Variants in ARHGAP31 observed in about 807,000 individuals in gnomAD.
The protein encoded by ARHGAP31 is rho GTPase-activating protein 31.
In ARHGAP31, 34 loss-of-function variants were observed where a neutral mutation model predicts 113.9. That is an observed-to-expected ratio of 0.30 (90% CI 0.23 to 0.40). The LOEUF (loss-of-function observed/expected upper bound fraction) is 0.40, where lower values mean the gene tolerates loss of function less well. Ranked by LOEUF, ARHGAP31 falls within the 10% of genes least tolerant of loss-of-function variation. The pLI, the probability that ARHGAP31 is intolerant of heterozygous loss-of-function variation, is 1.00. For missense variants in ARHGAP31, 1,548 were observed against 1,767.1 expected (o/e 0.88, Z 2.22); for synonymous variants, 650 against 684.8 (o/e 0.95, Z 0.79).
intron 9 of ARHGAP31, among the ~76,000 whole-genome samples, chr3:119,400,599 G>A (rs2080594574): frequency 6.6e-6 from 1 of 152,088 alleles, no homozygotes; most frequent in Non-Finnish European, 1.5e-5. Flanking sequence ...GCCCAGTTTT[G>A]CAGGAGTTAA....
intron 10 of ARHGAP31, among the ~76,000 whole-genome samples, chr3:119,407,069 G>A (rs2080668960): frequency 2.0e-5 from 3 of 152,122 alleles, no homozygotes; most frequent in South Asian, 2.1e-4. Flanking sequence ...GATCATGCTG[G>A]GCGCGATGGC....
At chr3:119,336,835 G>A (rs114598872) in intron 1 of ARHGAP31, among the ~76,000 whole-genome samples, 2,812 of 151,988 alleles carry the variant, frequency 0.019, 81 homozygotes, top group African/African-American at 0.063. Context: ...CTACTCTCCC[G>A]GCCCTAAGAA....
chr3:119,414,956 G>A lies in ARHGAP31; in HGVS notation c.3027G>A (p.Glu1009=). 1 of 1,614,214 alleles carries A rather than the reference G, an allele frequency of 6.2e-7. No homozygotes were observed. Among genetic ancestry groups the A allele is most frequent in the Non-Finnish European group, 8.5e-7 (1 of 1,180,038 alleles). The part of the protein sequence containing the change: ...WDEKALRSFR[E]FSGLKGAEAP... ...AGAAAGCCCTGAGGTCCTTCAGAGA[G>A]TTCTCTGGCCTGAAAGGGGCAGAGG... Residue 1009 remains glutamate (E), a synonymous_variant, in exon 12 of 12, where the codon GAG becomes GAA. Transcript: ENST00000264245.
chr3:119,381,797 T>C (rs2080400019), intron 4 of ARHGAP31, among the ~76,000 whole-genome samples: 1 of 152,032 alleles, frequency 6.6e-6, no homozygotes, highest in African/African-American at 2.4e-5. Flanking sequence ...CCATCATGGC[T>C]AACACGGTGA....
intron 3 of ARHGAP31, among the ~76,000 whole-genome samples, chr3:119,378,133 T>C (rs1221484914): frequency 6.6e-6 from 1 of 152,114 alleles, no homozygotes; most frequent in Non-Finnish European, 1.5e-5. Context: ...CTTTTAAGAT[T>C]TAACCATTAG....
chr3:119,402,319 G>A lies in ARHGAP31; in HGVS notation c.1567G>A (p.Glu523Lys). Reference protein sequence around the residue: ...PKELQSLSSLEEFSFHGSESG... With the variant: ...PKELQSLSSLKEFSFHGSESG... ...GGAGCTGCAGTCTCTTTCCAGCCTG[G>A]AAGAGTTTTCTTTTCATGGATCAGA... The change falls in exon 10 of 12, where the codon GAA (glutamate) becomes AAA (lysine). Residue 523 changes from glutamate to lysine, a missense_variant. Coordinates refer to ENST00000264245, the MANE Select transcript of ARHGAP31 (RefSeq NM_020754.4). 1 of 1,614,190 alleles carries A rather than the reference G, an allele frequency of 6.2e-7. No individual in the cohort carries two copies.
chr3:119,312,536 G>A (rs1425878963), intron 1 of ARHGAP31, among the ~76,000 whole-genome samples: 1 of 151,944 alleles, frequency 6.6e-6, no homozygotes, highest in Non-Finnish European at 1.5e-5. Flanking sequence ...ATTTAATAAG[G>A]AATAAACACC....
In ARHGAP31 at chr3:119,330,704, A is replaced by G. The variant is rs143524608; in HGVS notation, c.101-34612A>G. 3.3e-3 allele frequency among the ~76,000 whole-genome samples: 504 copies of G among 152,356 alleles called. 13 individuals carry two copies. In the South Asian group the frequency reaches 0.06, roughly 18 times the overall value. ...GATTGTCTCCAAGTGACTGTCAGCT[A>G]GAGCCTTCTATGGTTCTGTGGGGAG... On this transcript the variant is annotated intron_variant, in intron 1 of 11. Coordinates refer to ENST00000264245, the MANE Select transcript of ARHGAP31 (RefSeq NM_020754.4).
At chr3:119,349,619 T>A (rs138460695) in intron 1 of ARHGAP31, among the ~76,000 whole-genome samples, 4 of 152,302 alleles carry the variant, frequency 2.6e-5, no homozygotes, top group African/African-American at 9.6e-5. Flanking sequence ...TTTCAAAAGC[T>A]CATTGGAGCA....
Position 119,415,613 on chromosome 3 carries a change from T to C in ARHGAP31, c.3684T>C (p.Pro1228=). 6.2e-7 allele frequency: 1 copy of C among 1,614,040 alleles called. No homozygotes were observed. Among genetic ancestry groups the C allele is most frequent in the East Asian group, 2.2e-5 (1 of 44,852 alleles). Residue 1228 remains proline (P), a synonymous_variant, in exon 12 of 12, where the codon CCT becomes CCC. Coordinates refer to ENST00000264245, the MANE Select transcript of ARHGAP31 (RefSeq NM_020754.4). ...SQSSGENGVQ[P]LERSQEGPSS... is the part of the protein sequence containing the mutation. The stretch of plus-strand genomic sequence containing the variant: ...GCTCAGGGGAGAATGGGGTTCAGCC[T>C]CTGGAGAGGAGCCAGGAGGGACCCA...
At chr3:119,371,735 A>T (rs2080299993) in intron 3 of ARHGAP31, among the ~76,000 whole-genome samples, 1 of 152,146 alleles carries the variant, frequency 6.6e-6, no homozygotes, top group Admixed American at 6.6e-5. Flanking sequence ...TGTTGTACAG[A>T]TTATTTTGTC....
At chr3:119,312,716 C>A (rs2079693570) in intron 1 of ARHGAP31, among the ~76,000 whole-genome samples, 1 of 152,200 alleles carries the variant, frequency 6.6e-6, no homozygotes, top group Non-Finnish European at 1.5e-5. Flanking sequence ...TAGACAGATT[C>A]ATCTAATTCG....
At chr3:119,321,168 A>G (rs2079780499) in intron 1 of ARHGAP31, among the ~76,000 whole-genome samples, 1 of 151,668 alleles carries the variant, frequency 6.6e-6, no homozygotes, top group Admixed American at 6.6e-5. Context: ...CCCTTTTTAA[A>G]TTGCAGAAAA....
intron 6 of ARHGAP31, among the ~76,000 whole-genome samples, chr3:119,389,139 C>T (rs554011494): frequency 4.6e-5 from 7 of 152,052 alleles, no homozygotes; most frequent in East Asian, 3.9e-4. Context: ...CCAGCCTGGG[C>T]GACAGAGCGA....
At chr3:119,323,330 G>C (rs2079810149) in intron 1 of ARHGAP31, among the ~76,000 whole-genome samples, 1 of 152,122 alleles carries the variant, frequency 6.6e-6, no homozygotes, top group South Asian at 2.1e-4. Flanking sequence ...CAGCGCTCCA[G>C]GCCGCCCAGC....
chr3:119,313,688 C>G (rs933889117), intron 1 of ARHGAP31, among the ~76,000 whole-genome samples: 1 of 152,170 alleles, frequency 6.6e-6, no homozygotes, highest in African/African-American at 2.4e-5. Context: ...AGCTGTCTGG[C>G]CCACAAACTG....
rs527295124 is a variant in ARHGAP31 at position 119,414,441 on chromosome 3, G to C, written c.2512G>C (p.Glu838Gln). The change falls in exon 12 of 12, where the codon GAG (glutamate) becomes CAG (glutamine). Residue 838 changes from glutamate to glutamine, a missense_variant. Transcript: ENST00000264245. Reference sequence around the variant, plus strand: ...GATCTCTAGCCTCTGTCAGGGAGAGGAGGCAACCCCAAGACACAGTGACAA... The same window carrying C: ...GATCTCTAGCCTCTGTCAGGGAGAGCAGGCAACCCCAAGACACAGTGACAA... ...PEISSLCQGE[E>Q]ATPRHSDKQN... 109 of 1,614,234 alleles carry C rather than the reference G, an allele frequency of 6.8e-5. 2 individuals carry two copies. In the South Asian group the frequency reaches 1.2e-3, roughly 18 times the overall value.
At chr3:119,407,447 A>G (rs1350552821) in intron 10 of ARHGAP31, among the ~76,000 whole-genome samples, 1 of 152,206 alleles carries the variant, frequency 6.6e-6, no homozygotes, top group Non-Finnish European at 1.5e-5. Flanking sequence ...GGTTCAAGAT[A>G]TGTTAAGTGA....
chr3:119,336,928 G>A (rs187477789), intron 1 of ARHGAP31, among the ~76,000 whole-genome samples: 92 of 152,170 alleles, frequency 6.0e-4, no homozygotes, highest in African/African-American at 1.6e-3. Flanking sequence ...TTTTGTTTCT[G>A]GCTTCTTACA....
Sources: gnomAD v4.1 joint callset for allele counts (sites outside exome capture counted in the v4.1 genomes callset) on GRCh38, gnomAD v4.1.1 for gene constraint, MANE v1.5 for transcripts, NCBI Gene and HGNC (gene_info 2026-07-23, HGNC 2026-07-21) for gene names.